Variants in IDUA observed in about 807,000 individuals in gnomAD.
The protein encoded by IDUA is alpha-L-iduronidase.
Under a neutral mutation model 68.9 loss-of-function variants are expected in IDUA, and 65 were observed. The observed-to-expected ratio is 0.94, with a 90% CI of 0.77 to 1.16. The LOEUF is 1.16. Among genes scored for constraint, IDUA ranks in the 50% most tolerant of loss-of-function variants. The pLI is 0.00. For missense variants in IDUA, 1,046 were observed against 938.0 expected, an observed-to-expected ratio of 1.12 and a Z score of -1.50; for synonymous variants, 529 against 433.6, an observed-to-expected ratio of 1.22 and a Z score of -2.73.
chr4:1,001,695 C>G lies in IDUA; in HGVS notation c.606C>G (p.Tyr202Ter), dbSNP rs1033313360. The change falls in exon 6 of 14, where the codon TAC (tyrosine) becomes TAG (stop). Residue 202 changes from tyrosine (Y) to a stop codon, truncating the protein, a stop_gained. Coordinates refer to ENST00000514224, the MANE Select transcript of IDUA (RefSeq NM_000203.5). LOFTEE classifies it high-confidence loss of function. The stretch of plus-strand genomic sequence containing the variant: ...CCGGCCCAGGCTTCCTGAACTACTA[C>G]GATGCCTGCTCGGAGGGTCTGCGCG... ...SMTMQGFLNY[Y>*]DACSEGLRAA... 4 of 1,600,618 alleles carry G rather than the reference C, an allele frequency of 2.5e-6. No homozygotes were observed. Among genetic ancestry groups the G allele is most frequent in the Non-Finnish European group, 3.4e-6 (4 of 1,179,016 alleles).
Position 987,955 on chromosome 4 carries a change from C to A in IDUA, c.299+6C>A. Reference sequence around the variant, plus strand: ...CTGGAGCTTGTCACCACCAGGTGGGCGGCGGGCAGGGTCTGGGCGTCCCAG... The same window carrying A: ...CTGGAGCTTGTCACCACCAGGTGGGAGGCGGGCAGGGTCTGGGCGTCCCAG... On this transcript the variant is annotated splice_donor_region_variant and intron_variant, in intron 2 of 13. Coordinates refer to ENST00000514224, the MANE Select transcript of IDUA (RefSeq NM_000203.5). 3.2e-6 allele frequency: 5 copies of A among 1,566,946 alleles called. No individual in the cohort carries two copies. The highest frequency in any genetic ancestry group is 4.3e-6 in the Non-Finnish European group (5 of 1,155,968).
chr4:1,003,202 C>G lies in IDUA; in HGVS notation c.1524+45C>G, dbSNP rs1359447813. ...GCGAGGGGCCGGGCCGGGCCGGGGT[C>G]CCGGGGGGGTGGGGTCCGGGGCGGG... On this transcript the variant is annotated intron_variant, in intron 10 of 13. Coordinates refer to ENST00000514224, the MANE Select transcript of IDUA (RefSeq NM_000203.5). 8 of 1,277,550 alleles carry G rather than the reference C, an allele frequency of 6.3e-6. No individual in the cohort carries two copies. The East Asian group carries it at 2.0e-4, about 32-fold the overall frequency. 79.1% of individuals were successfully genotyped at this position (1,277,550 alleles called of 1,614,324 possible).
intron 2 of IDUA, among the ~76,000 whole-genome samples, chr4:998,654 TCTC>T (rs1577534197): frequency 6.6e-6 from 1 of 151,766 alleles, no homozygotes; most frequent in South Asian, 2.1e-4. Flanking sequence ...TGCACACCAA[TCTC>T]CTCACTCAGT....
At chr4:1,002,677 C>CG (rs1156396874) in intron 8 of IDUA, 55 bp from the exon 9 acceptor site, 14 of 1,299,996 alleles carry the variant, frequency 1.1e-5, no homozygotes, top group South Asian at 4.1e-5. Context: ...GGCCCTGGGT[C>CG]GGGGGGCGGC....
chr4:988,770 C>T, intron 2 of IDUA: 4 of 1,462,156 alleles, frequency 2.7e-6, no homozygotes, highest in Non-Finnish European at 3.6e-6. Flanking sequence ...TCAGCAGTGG[C>T]TTGCAGACGT....
Position 1,000,694 on chromosome 4 carries a change from C to T in IDUA, c.382C>T (p.Pro128Ser), listed in dbSNP as rs754674352. The change falls in exon 3 of 14, where the codon CCA becomes TCA. Residue 128 changes from proline to serine, a missense_variant. Transcript: ENST00000514224. ...LDLLRENQLL[P>S]GFELMGSASG... ...CCTTCTCAGGGAGAACCAGCTCCTC[C>T]CAGGTGAGCTGTGGGCTCTGCCCTC... is the stretch of plus-strand genomic sequence containing the variant. 6 of 1,609,156 alleles carry T rather than the reference C, an allele frequency of 3.7e-6. No individual in the cohort carries two copies. The South Asian group carries it at 6.6e-5, about 18-fold the overall frequency.
chr4:1,002,189 C>T, intron 7 of IDUA, 28 bp downstream of exon 7: 1 of 1,562,614 alleles, frequency 6.4e-7, no homozygotes, highest in Non-Finnish European at 8.7e-7. Context: ...CCTGCGCGCC[C>T]CCCGGCCACC....
intron 2 of IDUA, among the ~76,000 whole-genome samples, chr4:996,835 T>TG (rs1056721088): frequency 1.3e-5 from 2 of 151,804 alleles, no homozygotes; most frequent in Admixed American, 1.3e-4. Context: ...CCAGAGAGAG[T>TG]GGGTAGCCCA....
intron 2 of IDUA, chr4:990,222 G>A: frequency 6.4e-7 from 1 of 1,568,288 alleles, no homozygotes; most frequent in Non-Finnish European, 8.6e-7. Flanking sequence ...CGGGCCCCTG[G>A]TGCCGCGGGA....
At chr4:991,244 G>A in intron 2 of IDUA, 1 of 1,611,940 alleles carries the variant, frequency 6.2e-7, no homozygotes, top group Non-Finnish European at 8.5e-7. Context: ...GCTCCGGGCT[G>A]CAGGCCGTCC....
intron 2 of IDUA, chr4:989,239 C>A (rs765881732): frequency 1.9e-6 from 3 of 1,612,508 alleles, no homozygotes; most frequent in East Asian, 4.5e-5. Context: ...AGCCATGCAC[C>A]CTGCGTCCAG....
chr4:990,625 G>T, intron 2 of IDUA: 1 of 505,270 alleles, frequency 2.0e-6, no homozygotes, highest in Non-Finnish European at 3.5e-6. Context: ...CCCTTGTCAC[G>T]TGCAGCAGCC....
rs557753555 is a variant in IDUA at position 991,514 on chromosome 4, G to A, written c.299+3565G>A. 145 of 1,608,406 alleles carry A rather than the reference G, an allele frequency of 9.0e-5. No homozygotes were observed. In the South Asian group the frequency reaches 9.9e-4, roughly 11 times the overall value. On this transcript the variant is annotated intron_variant, in intron 2 of 13. Transcript: ENST00000514224. ...TCGCCTGCCAGGTACTCCCGCGGGC[G>A]GTACTGACGCAGCCAGCGCGTGGCG...
chr4:1,000,256 C>T (rs1457187748), intron 2 of IDUA, among the ~76,000 whole-genome samples: 1 of 152,214 alleles, frequency 6.6e-6, no homozygotes. Context: ...CCAGGAGGTG[C>T]AGAGAACCAG....
chr4:994,530 C>T (rs1486662306), intron 2 of IDUA, among the ~76,000 whole-genome samples: 2 of 149,924 alleles, frequency 1.3e-5, no homozygotes, highest in African/African-American at 4.9e-5. Context: ...CTCTGTCTCC[C>T]GGGTTCAAGT....
chr4:991,886 C>T (rs1243676921), intron 2 of IDUA: 3 of 1,375,790 alleles, frequency 2.2e-6, no homozygotes, highest in Admixed American at 2.0e-5. Context: ...GGCCCCAGCC[C>T]CCTGCCCGGT....
rs375937274 is a variant in IDUA at position 991,648 on chromosome 4, C to G, written c.299+3699C>G. 4.5e-6 allele frequency: 7 copies of G among 1,552,562 alleles called. No individual in the cohort carries two copies. In the Admixed American group the frequency reaches 7.2e-5, roughly 16 times the overall value. ...CAGACCCCGGGGTGCTGGGCGCTGC[C>G]GTCGGACCGGCACCGGCCCTCTGCC... is the stretch of plus-strand genomic sequence containing the variant. On this transcript the variant is annotated intron_variant, in intron 2 of 13. Transcript: ENST00000514224.
intron 2 of IDUA, chr4:990,686 G>A (rs1714220196): frequency 2.3e-6 from 1 of 437,018 alleles, no homozygotes; most frequent in Non-Finnish European, 4.1e-6. Flanking sequence ...ACCCCTTCCT[G>A]CTGCTTCCTA....
intron 1 of IDUA, chr4:987,577 G>GCAGGGA: frequency 7.3e-7 from 1 of 1,373,982 alleles, no homozygotes; most frequent in African/African-American, 1.5e-5. Flanking sequence ...CGCCTTCCTG[G>GCAGGGA]CAGGGCCAGG....
Sources: allele counts gnomAD v4.1 joint callset (sites outside exome capture counted in the v4.1 genomes callset), GRCh38; gene constraint gnomAD v4.1.1; transcripts MANE v1.5; gene names NCBI Gene and HGNC (gene_info 2026-07-23, HGNC 2026-07-21).